PCLO: variants seen among roughly 807,000 people sequenced by gnomAD.
PCLO encodes piccolo presynaptic cytomatrix protein, also known as protein piccolo.
In PCLO, 82 loss-of-function variants were observed where a neutral mutation model predicts 427.5. That is an observed-to-expected ratio of 0.19 (90% confidence interval 0.16 to 0.23). PCLO has a LOEUF of 0.23. PCLO is among the 10% of genes least tolerant of loss of function. The pLI is 1.00. For synonymous variants in PCLO, 2,357 were observed against 2,155.4 expected (o/e 1.09, Z -2.59); for missense variants, 6,239 against 6,115.9 (o/e 1.02, Z -0.67).
intron 3 of PCLO, among the ~76,000 whole-genome samples, chr7:83,091,940 ACT>A (rs1790388320): frequency 6.6e-6 from 1 of 152,194 alleles, no homozygotes; most frequent in South Asian, 2.1e-4. Flanking sequence ...ATCACTCTGG[ACT>A]AACCACTTGA....
intron 9 of PCLO, among the ~76,000 whole-genome samples, chr7:82,889,816 T>C (rs1793715021): frequency 6.6e-6 from 1 of 152,082 alleles, no homozygotes; most frequent in Non-Finnish European, 1.5e-5. Context: ...GCTTTTGATG[T>C]AAAAGGAAAA....
intron 3 of PCLO, among the ~76,000 whole-genome samples, chr7:83,012,629 A>C (rs1788110362): frequency 1.3e-5 from 2 of 150,052 alleles, no homozygotes; most frequent in Non-Finnish European, 3.0e-5. Flanking sequence ...AGGAAAAAAA[A>C]AAAAAAAAAA....
intron 20 of PCLO, among the ~76,000 whole-genome samples, chr7:82,818,136 G>C (rs1791714982): frequency 6.6e-6 from 1 of 152,098 alleles, no homozygotes; most frequent in African/African-American, 2.4e-5. Flanking sequence ...TTTAACTACG[G>C]AGAGTTGTTT....
chr7:82,862,321 A>G (rs1307538823), intron 10 of PCLO, among the ~76,000 whole-genome samples: 2 of 152,000 alleles, frequency 1.3e-5, no homozygotes, highest in Non-Finnish European at 2.9e-5. Flanking sequence ...GAGGATGTGG[A>G]GAAAAGAGAA....
chr7:82,944,704 A>G (rs1055556102), intron 6 of PCLO, among the ~76,000 whole-genome samples: 4 of 152,172 alleles, frequency 2.6e-5, no homozygotes, highest in African/African-American at 9.7e-5. Flanking sequence ...ATTTCTACCA[A>G]CCCATAAAGT....
rs769640031 is a variant in PCLO, at chr7:82,902,616, A to C, written c.13528+35T>G. The C allele has an allele frequency of 1.1e-5, 14 of 1,271,816 alleles. No homozygotes were observed. In the South Asian group the frequency reaches 1.4e-4, roughly 13 times the overall value. The allele number at this position is 1,271,816 out of a possible 1,614,324, so 78.8% of individuals were successfully genotyped here. A position where few individuals can be genotyped will look rare whatever the true frequency, so the allele number is the denominator to read the frequency against. ...AAACAAAACAAAACAAAACAAAAAAACAAAAAAAATATTAGATTATATGAT... is the reference window on the plus strand; with the variant it reads ...AAACAAAACAAAACAAAACAAAAAACCAAAAAAAATATTAGATTATATGAT... On this transcript the variant is annotated intron_variant, in intron 9 of 24. Transcript: ENST00000333891.
chr7:82,914,925 A>G lies in PCLO; in HGVS notation c.13061T>C (p.Val4354Ala), dbSNP rs1268923872. ...ISQSRGRIPI[V>A]AQNSEEESPL... The stretch of plus-strand genomic sequence containing the variant: ...GCTTTCTTCTTCAGAATTCTGGGCC[A>G]CAATTGGTATTCTTCCTCTACTTTG... Residue 4354 changes from valine to alanine, a missense_variant, in exon 7 of 25, where the codon GTG (valine) becomes GCG (alanine). Coordinates refer to ENST00000333891, the MANE Select transcript of PCLO (RefSeq NM_033026.6). 1 of 1,613,562 alleles carries G rather than the reference A, an allele frequency of 6.2e-7. No individual in the cohort carries two copies. The highest frequency in any genetic ancestry group is 1.3e-5 in the African/African-American group (1 of 74,884).
chr7:82,795,238 G>A (rs1791200712), intron 22 of PCLO, among the ~76,000 whole-genome samples: 1 of 152,012 alleles, frequency 6.6e-6, no homozygotes, highest in African/African-American at 2.4e-5. Flanking sequence ...TGTTCCATTG[G>A]AATTTATAAT....
chr7:82,843,132 C>A (rs142844549), intron 13 of PCLO, among the ~76,000 whole-genome samples: 2 of 152,160 alleles, frequency 1.3e-5, no homozygotes, highest in East Asian at 3.9e-4. Flanking sequence ...TTCACAATAG[C>A]CCAGATATAG....
chr7:82,875,430 C>A (rs1050100074), intron 10 of PCLO, among the ~76,000 whole-genome samples: 2 of 151,840 alleles, frequency 1.3e-5, no homozygotes, highest in African/African-American at 4.8e-5. Context: ...TGTTTAGAAA[C>A]TAGATTTTTC....
intron 9 of PCLO, among the ~76,000 whole-genome samples, chr7:82,891,927 A>G (rs2116124940): frequency 6.6e-6 from 1 of 152,260 alleles, no homozygotes; most frequent in South Asian, 2.1e-4. Context: ...GAGGATACAA[A>G]CAAATGGAAG....
chr7:82,914,478 G>T (rs1040860254), intron 7 of PCLO: 22 of 638,290 alleles, frequency 3.4e-5, no homozygotes, highest in African/African-American at 3.7e-5. Flanking sequence ...GAACAATAAA[G>T]GAATAAAGTA....
intron 3 of PCLO, among the ~76,000 whole-genome samples, chr7:83,018,914 GAGGAA>G (rs1344895912): frequency 6.6e-6 from 1 of 151,916 alleles, no homozygotes; most frequent in African/African-American, 2.4e-5. Context: ...CTGCATATTA[GAGGAA>G]ACCTGCTTTT....
At chr7:82,798,470 A>G (rs919941892) in intron 22 of PCLO, among the ~76,000 whole-genome samples, 1 of 152,220 alleles carries the variant, frequency 6.6e-6, no homozygotes, top group African/African-American at 2.4e-5. Context: ...AAAACAAACA[A>G]AACACTGATT....
intron 22 of PCLO, among the ~76,000 whole-genome samples, chr7:82,772,792 T>C (rs1790674022): frequency 6.6e-6 from 1 of 152,194 alleles, no homozygotes; most frequent in Non-Finnish European, 1.5e-5. Flanking sequence ...TTTATTTTAC[T>C]GTGTCTGAAA....
chr7:82,758,530 G>A lies in PCLO; in HGVS notation c.*45C>T, dbSNP rs1405309835. 1.3e-6 allele frequency: 2 copies of A among 1,546,308 alleles called. No individual in the cohort carries two copies. The highest frequency in any genetic ancestry group is 1.9e-5 in the Admixed American group (1 of 53,632). On this transcript the variant is annotated 3_prime_UTR_variant, in exon 25 of 25. Coordinates refer to ENST00000333891, the MANE Select transcript of PCLO (RefSeq NM_033026.6). ...TAGTATTCAACTATAGTCTTGATGT[G>A]AGGCTATTTAGAGCAGTTTCTATAC...
intron 3 of PCLO, among the ~76,000 whole-genome samples, chr7:82,977,406 T>G (rs137934178): frequency 0.045 from 6,668 of 149,492 alleles, 528 homozygotes; most frequent in African/African-American, 0.16. Flanking sequence ...ATTTATTTAT[T>G]TATTTATTTA....
At chr7:82,874,328 A>G (rs1172955590) in intron 10 of PCLO, among the ~76,000 whole-genome samples, 2 of 152,244 alleles carry the variant, frequency 1.3e-5, no homozygotes, top group East Asian at 3.9e-4. Flanking sequence ...CAGGGGCACA[A>G]TCTCGGTTCA....
chr7:83,082,187 A>G (rs1790119432), intron 3 of PCLO, among the ~76,000 whole-genome samples: 1 of 151,488 alleles, frequency 6.6e-6, no homozygotes, highest in Non-Finnish European at 1.5e-5. Flanking sequence ...ACGGGGAATG[A>G]TTTGTTAAAA....
Sources: gnomAD v4.1 joint callset for allele counts (sites outside exome capture counted in the v4.1 genomes callset) on GRCh38, gnomAD v4.1.1 for gene constraint, MANE v1.5 for transcripts, NCBI Gene and HGNC (gene_info 2026-07-23, HGNC 2026-07-21) for gene names.